Variants in OXR1 observed in about 807,000 individuals in gnomAD.
OXR1 encodes the protein oxidation resistance 1.
In OXR1, 41 loss-of-function variants were observed where a neutral mutation model predicts 104.6. The ratio of observed to expected loss-of-function variants is 0.39; its 90% CI spans 0.31 to 0.51. The LOEUF (loss-of-function observed/expected upper bound fraction) is 0.51, where lower values mean the gene tolerates loss of function less well. Among genes scored for constraint, OXR1 ranks in the 20% least tolerant of loss-of-function variants. The pLI, the probability that OXR1 is intolerant of heterozygous loss-of-function variation, is 0.77. For missense variants in OXR1, 955 were observed against 1,031.9 expected, an observed-to-expected ratio of 0.93 and a Z score of 1.02; for synonymous variants, 348 against 348.4, an observed-to-expected ratio of 1.00 and a Z score of 0.01.
At chr8:106,321,003 A>T (rs1476633352) in intron 1 of OXR1, among the ~76,000 whole-genome samples, 3 of 152,186 alleles carry the variant, frequency 2.0e-5, no homozygotes. Flanking sequence ...AGCAGTTATT[A>T]CCTATACCTT....
At chr8:106,690,311 T>C (rs1829152331) in intron 6 of OXR1, among the ~76,000 whole-genome samples, 1 of 151,092 alleles carries the variant, frequency 6.6e-6, no homozygotes, top group African/African-American at 2.4e-5. Context: ...TATTATTACA[T>C]ATAATTTAGC....
At chr8:106,461,318 T>C (rs1245532238) in intron 2 of OXR1, among the ~76,000 whole-genome samples, 1 of 152,126 alleles carries the variant, frequency 6.6e-6, no homozygotes, top group Non-Finnish European at 1.5e-5. Flanking sequence ...ATGCCTATAA[T>C]CCCAGCACTT....
intron 3 of OXR1, among the ~76,000 whole-genome samples, chr8:106,553,080 A>G (rs551226944): frequency 1.2e-4 from 18 of 152,248 alleles, no homozygotes; most frequent in African/African-American, 4.1e-4. Flanking sequence ...CAAAGAGAGA[A>G]AAAAAATTGT....
intron 2 of OXR1, among the ~76,000 whole-genome samples, chr8:106,444,245 T>C (rs193245689): frequency 1.6e-3 from 245 of 152,336 alleles, no homozygotes; most frequent in African/African-American, 5.5e-3. Flanking sequence ...TTGGTGAGAA[T>C]GTAAATTAGT....
chr8:106,486,390 T>C (rs1810659897), intron 2 of OXR1, among the ~76,000 whole-genome samples: 1 of 152,150 alleles, frequency 6.6e-6, no homozygotes, highest in African/African-American at 2.4e-5. Flanking sequence ...CATGTGTGTA[T>C]TCTCTCAGAT....
chr8:106,335,985 A>G (rs1291058801), intron 1 of OXR1, among the ~76,000 whole-genome samples: 1 of 152,160 alleles, frequency 6.6e-6, no homozygotes, highest in Non-Finnish European at 1.5e-5. Flanking sequence ...AAGCCCAGCT[A>G]CTTGGGAGGC....
intron 14 of OXR1, among the ~76,000 whole-genome samples, chr8:106,741,122 G>A (rs1164982014): frequency 6.6e-6 from 1 of 152,214 alleles, no homozygotes; most frequent in South Asian, 2.1e-4. Context: ...ATTAAAGAAT[G>A]AGTCAACTAT....
At chr8:106,725,050 T>C (rs1833193009) in intron 11 of OXR1, among the ~76,000 whole-genome samples, 2 of 152,144 alleles carry the variant, frequency 1.3e-5, no homozygotes, top group Non-Finnish European at 2.9e-5. Flanking sequence ...GTGACCACAA[T>C]GCACTGTATG....
At chr8:106,506,914 G>C (rs1443963438) in intron 2 of OXR1, among the ~76,000 whole-genome samples, 1 of 151,516 alleles carries the variant, frequency 6.6e-6, no homozygotes, top group Non-Finnish European at 1.5e-5. Context: ...AACATAATGA[G>C]ACCCTGTGTC....
At chr8:106,273,143 A>G (rs182188631) in intron 1 of OXR1, among the ~76,000 whole-genome samples, 40 of 151,390 alleles carry the variant, frequency 2.6e-4, no homozygotes, top group African/African-American at 9.8e-4. Context: ...GTGGAAGCCT[A>G]ACTGGACACT....
chr8:106,320,350 G>T (rs1031647510), intron 1 of OXR1, among the ~76,000 whole-genome samples: 10 of 152,046 alleles, frequency 6.6e-5, no homozygotes, highest in Middle Eastern at 3.2e-3. Flanking sequence ...CCAAGTATTT[G>T]TCCCCTTTAC....
At chr8:106,304,617 A>C (rs1415105108) in intron 1 of OXR1, among the ~76,000 whole-genome samples, 1 of 152,194 alleles carries the variant, frequency 6.6e-6, no homozygotes, top group Non-Finnish European at 1.5e-5. Flanking sequence ...TTTTCTTTTC[A>C]ATTTGTAAGG....
In OXR1 at chr8:106,574,969, T is replaced by C. The variant is rs954274362; in HGVS notation, c.220+55830T>C. Among the ~76,000 whole-genome samples, 6 of 152,224 alleles carry C rather than the reference T, an allele frequency of 3.9e-5. No homozygotes were observed. The South Asian group carries it at 1.0e-3, about 26-fold the overall frequency. ...TAAGTTATCTTTAGTTGGTTTTTTATGGCTTTTCTCCATGTGACTTTTCAT... is the reference window on the plus strand; with the variant it reads ...TAAGTTATCTTTAGTTGGTTTTTTACGGCTTTTCTCCATGTGACTTTTCAT... On this transcript the variant is annotated intron_variant, in intron 3 of 16. Coordinates refer to ENST00000517566, the MANE Select transcript of OXR1 (RefSeq NM_001198533.2).
intron 3 of OXR1, among the ~76,000 whole-genome samples, chr8:106,531,035 C>T (rs1814058072): frequency 6.6e-6 from 1 of 151,978 alleles, no homozygotes; most frequent in Admixed American, 6.6e-5. Flanking sequence ...AAGTGAAATT[C>T]CTCCAAAATA....
intron 2 of OXR1, among the ~76,000 whole-genome samples, chr8:106,448,951 G>GAAGTGCTGTGCAC (rs1820158387): frequency 6.6e-6 from 1 of 151,852 alleles, no homozygotes; most frequent in East Asian, 1.9e-4. Flanking sequence ...AAGCTATTTT[G>GAAGTGCTGTGCAC]TTCTCTGGTA....
intron 3 of OXR1, among the ~76,000 whole-genome samples, chr8:106,656,965 C>T (rs1825148011): frequency 1.3e-5 from 2 of 151,908 alleles, no homozygotes; most frequent in South Asian, 2.1e-4. Context: ...AAATCTTTTT[C>T]CCCCCAATAT....
At chr8:106,679,761 T>TC (rs1827966452) in intron 4 of OXR1, among the ~76,000 whole-genome samples, 1 of 151,812 alleles carries the variant, frequency 6.6e-6, no homozygotes, top group East Asian at 1.9e-4. Flanking sequence ...CATTGAGCTT[T>TC]TTTTTTTTTT....
chr8:106,303,373 C>G (rs1283702732), intron 1 of OXR1, among the ~76,000 whole-genome samples: 1 of 150,156 alleles, frequency 6.7e-6, no homozygotes, highest in South Asian at 2.1e-4. Context: ...CCTGCCTCAG[C>G]CTCCCGAGTA....
At chr8:106,372,953 G>A (rs1816768902) in intron 2 of OXR1, among the ~76,000 whole-genome samples, 1 of 152,156 alleles carries the variant, frequency 6.6e-6, no homozygotes, top group Admixed American at 6.5e-5. Context: ...ATATCCATGA[G>A]TTCCATATTC....
Sources: allele counts gnomAD v4.1 joint callset (sites outside exome capture counted in the v4.1 genomes callset), GRCh38; gene constraint gnomAD v4.1.1; transcripts MANE v1.5; gene names NCBI Gene and HGNC (gene_info 2026-07-23, HGNC 2026-07-21).